Variants in CARMIL2 observed in about 807,000 individuals in gnomAD.
The protein encoded by CARMIL2 is capping protein regulator and myosin 1 linker 2.
Under a neutral mutation model 173.3 loss-of-function variants are expected in CARMIL2, and 96 were observed. The observed-to-expected ratio is 0.55, with a 90% CI of 0.47 to 0.66. The LOEUF is 0.66. CARMIL2 is among the 30% of genes least tolerant of loss of function. CARMIL2 has a pLI of 0.00. For missense variants in CARMIL2, 1,771 were observed against 1,906.7 expected (o/e 0.93, Z 1.33); for synonymous variants, 830 against 817.1 (o/e 1.02, Z -0.27).
In CARMIL2 at chr16:67,646,654, C is replaced by G; in HGVS notation, c.467-60C>G. On this transcript the variant is annotated intron_variant, in intron 6 of 37. Transcript: ENST00000334583. The surrounding 1 kb of genome is among the most constrained non-coding windows in gnomAD (Gnocchi z 4.6). ...CACCTAGTCTGTGGGTCTGGTCTTC[C>G]TCCATCGCTGATGTTTTGTCTCTCT... 1.9e-6 allele frequency: 3 copies of G among 1,592,434 alleles called. No individual in the cohort carries two copies. The highest frequency in any genetic ancestry group is 2.6e-6 in the Non-Finnish European group (3 of 1,160,488).
chr16:67,656,872 G>T lies in CARMIL2; in HGVS notation c.4108G>T (p.Ala1370Ser), dbSNP rs1431886720. 6.5e-7 allele frequency: 1 copy of T among 1,547,312 alleles called. No homozygotes were observed. Among genetic ancestry groups the T allele is most frequent in the Non-Finnish European group, 8.7e-7 (1 of 1,144,532 alleles). Residue 1370 changes from alanine (A) to serine (S), a missense_variant, in exon 36 of 38, where the codon GCC becomes TCC. Coordinates refer to ENST00000334583, the MANE Select transcript of CARMIL2 (RefSeq NM_001013838.3). ...AVSVHEDQLQAPAERPLRLQR... is the reference protein window; with the variant it reads ...AVSVHEDQLQSPAERPLRLQR... Reference sequence around the variant, plus strand: ...GTCTGTGCATGAGGACCAGCTCCAGGCCCCTGCTGGTGAGGGGAGACACCT... The same window carrying T: ...GTCTGTGCATGAGGACCAGCTCCAGTCCCCTGCTGGTGAGGGGAGACACCT...
In CARMIL2 at chr16:67,651,365, G is replaced by A; in HGVS notation, c.2314-36G>A. ...AGGACCCTTCCCCTCTTAGTCAGGT[G>A]TCAGCTCGCAACTGCTTTTCCTCTT... On this transcript the variant is annotated intron_variant, in intron 23 of 37. Coordinates refer to ENST00000334583, the MANE Select transcript of CARMIL2 (RefSeq NM_001013838.3). This position sits in a 1 kb window ranked among gnomAD's most constrained non-coding sequence, Gnocchi z 4.2. The A allele has an allele frequency of 6.2e-7, 1 of 1,603,922 alleles. No individual in the cohort carries two copies. Among genetic ancestry groups the A allele is most frequent in the South Asian group, 1.1e-5 (1 of 90,596 alleles).
At position 67,646,474 on chromosome 16, in the gene CARMIL2, G is replaced by A; in HGVS notation, c.423G>A (p.Glu141=). ...PTPASMLARL[E]RSSPSESTDP... ...CAGCCTCCATGCTGGCTCGGCTGGA[G>A]AGAAGCAGCCCCTCGGAGTCCACTG... Residue 141 remains glutamate (E), a synonymous_variant, in exon 6 of 38, where the codon GAG becomes GAA. Coordinates refer to ENST00000334583, the MANE Select transcript of CARMIL2 (RefSeq NM_001013838.3). This position sits in a 1 kb window ranked among gnomAD's most constrained non-coding sequence, Gnocchi z 4.6. 6.2e-7 allele frequency: 1 copy of A among 1,613,562 alleles called. No individual in the cohort carries two copies. Among genetic ancestry groups the A allele is most frequent in the East Asian group, 2.2e-5 (1 of 44,874 alleles).
rs1177259719 is a variant in CARMIL2, at chr16:67,653,367, A to T, written c.3120+113A>T. ...GAGGGGGTGGTGGGGGCCCAAGGCCACCTGGTCGTGCGGCCGCGGTCACAT... is the reference window on the plus strand; with the variant it reads ...GAGGGGGTGGTGGGGGCCCAAGGCCTCCTGGTCGTGCGGCCGCGGTCACAT... On this transcript the variant is annotated intron_variant, in intron 29 of 37. Transcript: ENST00000334583. The surrounding 1 kb of genome is among the most constrained non-coding windows in gnomAD (Gnocchi z 7.4). 1 of 357,498 alleles carries T rather than the reference A, an allele frequency of 2.8e-6. No individual in the cohort carries two copies. The highest frequency in any genetic ancestry group is 4.1e-6 in the Non-Finnish European group (1 of 243,472). The allele number at this position is 357,498 out of a possible 1,614,324, so 22.1% of individuals were successfully genotyped here.
Position 67,649,587 on chromosome 16 carries a change from G to C in CARMIL2, c.1887G>C (p.Leu629=). 1 of 1,600,526 alleles carries C rather than the reference G, an allele frequency of 6.2e-7. No individual in the cohort carries two copies. The highest frequency in any genetic ancestry group is 2.2e-5 in the East Asian group (1 of 44,850). The stretch of plus-strand genomic sequence containing the variant: ...TGGGGGACGCGGGCGCCAAGTTGCT[G>C]GCCAAGGCGCTGCGGGTCAACTCGA... ...NAMGDAGAKL[L]AKALRVNSRL... Residue 629 remains leucine (L), a synonymous_variant, in exon 20 of 38, where the codon CTG becomes CTC. Transcript: ENST00000334583. The surrounding 1 kb of genome is among the most constrained non-coding windows in gnomAD (Gnocchi z 6.7).
At chr16:67,650,429 C>T in intron 22 of CARMIL2, 1 of 524,168 alleles carries the variant, frequency 1.9e-6, no homozygotes, top group Non-Finnish European at 3.4e-6. Context: ...ATTGTAGCCC[C>T]ATCTCTGTCC....
In CARMIL2 at chr16:67,647,761, C is replaced by T. The variant is rs547647271; in HGVS notation, c.953C>T (p.Pro318Leu). 21 of 1,542,728 alleles carry T rather than the reference C, an allele frequency of 1.4e-5. No homozygotes were observed. Among genetic ancestry groups the T allele is most frequent in the Admixed American group, 9.9e-5 (5 of 50,468 alleles). ...AGCCTGGCCCAGACAGGGTTGACAC[C>T]GCGAGGTAGGCTGGATGAGGGAGGG... ...RLSLAQTGLT[P>L]RGMRALGRAL... Residue 318 changes from proline (P) to leucine (L), a missense_variant, in exon 12 of 38, where the codon CCG becomes CTG. Pro to Leu is a moderately conservative substitution (Grantham distance 98). Transcript: ENST00000334583.
chr16:67,653,317 C>A lies in CARMIL2; in HGVS notation c.3120+63C>A. 1.2e-6 allele frequency: 1 copy of A among 848,390 alleles called. No individual in the cohort carries two copies. Among genetic ancestry groups the A allele is most frequent in the Non-Finnish European group, 1.5e-6 (1 of 670,740 alleles). 52.6% of individuals were successfully genotyped at this position (848,390 alleles called of 1,614,324 possible). A position where few individuals can be genotyped will look rare whatever the true frequency, so the allele number is the denominator to read the frequency against. On this transcript the variant is annotated intron_variant, in intron 29 of 37. Coordinates refer to ENST00000334583, the MANE Select transcript of CARMIL2 (RefSeq NM_001013838.3). The surrounding 1 kb of genome is among the most constrained non-coding windows in gnomAD (Gnocchi z 7.4). ...GGGGATCACGGGTGGCCCGGCCGCT[C>A]CTCATGGGTGGTAGCGGTCAAGGAG...
At chr16:67,656,700 C>G (rs2052865045) in intron 35 of CARMIL2, 55 bp downstream of exon 35, 2 of 1,568,688 alleles carry the variant, frequency 1.3e-6, no homozygotes, top group Non-Finnish European at 1.7e-6. Flanking sequence ...TGGAGGAGTT[C>G]CTGCTGGGAA....
chr16:67,647,416 G>C (rs1310574083), intron 10 of CARMIL2, 29 bp downstream of exon 10: 2 of 1,561,998 alleles, frequency 1.3e-6, no homozygotes, highest in Non-Finnish European at 1.7e-6. Flanking sequence ...GGCTTGGAGA[G>C]GAGAGTCTGG....
Position 67,646,760 on chromosome 16 carries a change from C to T in CARMIL2, c.513C>T (p.Phe171=). The T allele has an allele frequency of 6.2e-7, 1 of 1,613,980 alleles. No homozygotes were observed. Among genetic ancestry groups the T allele is most frequent in the Non-Finnish European group, 8.5e-7 (1 of 1,179,888 alleles). The change falls in exon 7 of 38, where the codon TTC becomes TTT. Residue 171 remains phenylalanine, a synonymous_variant. Coordinates refer to ENST00000334583, the MANE Select transcript of CARMIL2 (RefSeq NM_001013838.3). The surrounding 1 kb of genome is among the most constrained non-coding windows in gnomAD (Gnocchi z 4.6). ...TYEALCDYNG[F]PFREEIQWDV... ...AGGCTCTGTGTGACTACAATGGCTT[C>T]CCTTTCCGAGAGGAGATTCAGTGGG...
Position 67,648,145 on chromosome 16 carries a change from G to A in CARMIL2, c.1165G>A (p.Val389Met), listed in dbSNP as rs1008885718. 3 of 1,612,492 alleles carry A rather than the reference G, an allele frequency of 1.9e-6. No homozygotes were observed. Among genetic ancestry groups the A allele is most frequent in the Non-Finnish European group, 2.5e-6 (3 of 1,179,446 alleles). ...TALDTVRGCS[V>M]GGWMTGRADW... Reference sequence around the variant, plus strand: ...CCTGGACACTGTGAGGGGGTGCTCCGTGGGGGGATGGATGACCGGCAGGGC... The same window carrying A: ...CCTGGACACTGTGAGGGGGTGCTCCATGGGGGGATGGATGACCGGCAGGGC... Residue 389 changes from valine to methionine, a missense_variant, in exon 14 of 38, where the codon GTG becomes ATG. Around this residue, in one of 3 missense-constraint regions of CARMIL2, gnomAD observed 944 missense variants for 975.6 expected, o/e 0.97. Transcript: ENST00000334583. This position sits in a 1 kb window ranked among gnomAD's most constrained non-coding sequence, Gnocchi z 6.1.
At position 67,654,509 on chromosome 16, in the gene CARMIL2, C is replaced by A. The variant is rs375307002; in HGVS notation, c.3399C>A (p.Gly1133=). ...AAPRTRKTTF[G]DLLRPPTRPS... ...CCCGAACCCGAAAAACTACATTTGG[C>A]GACCTACTGCGGCCGCCAACCCGTC... Residue 1133 remains glycine (G), a synonymous_variant, in exon 31 of 38, where the codon GGC becomes GGA. Coordinates refer to ENST00000334583, the MANE Select transcript of CARMIL2 (RefSeq NM_001013838.3). The A allele has an allele frequency of 2.5e-5, 40 of 1,611,678 alleles. No individual in the cohort carries two copies. In the African/African-American group the frequency reaches 3.3e-4, roughly 13 times the overall value.
rs770419787 is a variant in CARMIL2 at position 67,654,214 on chromosome 16, A to C, written c.3186A>C (p.Glu1062Asp). The C allele has an allele frequency of 9.8e-5, 153 of 1,567,370 alleles. No homozygotes were observed. The highest frequency in any genetic ancestry group is 5.6e-5 in the Non-Finnish European group (65 of 1,156,792). ...CCCGCGTGGACGAGGGCGTGGAGGA[A>C]TTCTTCTCCAAAAGGCTGATCCAGC... The part of the protein sequence containing the change: ...LSARVDEGVE[E>D]FFSKRLIQQD... The change falls in exon 30 of 38, where the codon GAA (glutamate) becomes GAC (aspartate). Residue 1062 changes from glutamate (E) to aspartate (D), a missense_variant. By Grantham distance (45) the Glu-to-Asp change is conservative (BLOSUM62 2). Transcript: ENST00000334583.
In CARMIL2 at chr16:67,654,543, G is replaced by T; in HGVS notation, c.3433G>T (p.Gly1145Cys). ...LLRPPTRPSR[G>C]EELGGAEGDT... ...GCGGCCGCCAACCCGTCCCAGCCGT[G>T]GTGAGGAGCTTGGTGGGGCTGAGGG... The change falls in exon 31 of 38, where the codon GGT (glycine) becomes TGT (cysteine). Residue 1145 changes from glycine (G) to cysteine (C), a missense_variant. Gly to Cys is a radical substitution (Grantham distance 159, BLOSUM62 -3). Coordinates refer to ENST00000334583, the MANE Select transcript of CARMIL2 (RefSeq NM_001013838.3). 1 of 1,612,052 alleles carries T rather than the reference G, an allele frequency of 6.2e-7. No homozygotes were observed. The highest frequency in any genetic ancestry group is 8.5e-7 in the Non-Finnish European group (1 of 1,179,462).
Position 67,648,884 on chromosome 16 carries a change from C to T in CARMIL2, c.1510-9C>T, listed in dbSNP as rs1597748516. On this transcript the variant is annotated splice_polypyrimidine_tract_variant and intron_variant, in intron 16 of 37. Coordinates refer to ENST00000334583, the MANE Select transcript of CARMIL2 (RefSeq NM_001013838.3). This position sits in a 1 kb window ranked among gnomAD's most constrained non-coding sequence, Gnocchi z 6.1. ...GTCCCACTTCCCACCTCCCACCTCC[C>T]ACATACAGCTGCGCTCGGCCGGCGC... 1.9e-6 allele frequency: 3 copies of T among 1,601,152 alleles called. No individual in the cohort carries two copies. The highest frequency in any genetic ancestry group is 2.6e-6 in the Non-Finnish European group (3 of 1,174,566).
At chr16:67,645,387 C>A in intron 1 of CARMIL2, 101 bp downstream of exon 1, 2 of 1,422,768 alleles carry the variant, frequency 1.4e-6, no homozygotes, top group Non-Finnish European at 1.9e-6. Context: ...CAGAGGTCCT[C>A]CCTGCTCCCC....
chr16:67,648,252 A>C lies in CARMIL2; in HGVS notation c.1272A>C (p.Val424=), dbSNP rs779082869. 1.2e-6 allele frequency: 2 copies of C among 1,600,548 alleles called. No individual in the cohort carries two copies. Among genetic ancestry groups the C allele is most frequent in the Non-Finnish European group, 1.7e-6 (2 of 1,176,630 alleles). ...NSLPPQLFAA[V]SRGCCTSLTH... ...TCCCCCCGCAGCTCTTCGCAGCGGT[A>C]TCCCGAGGCTGCTGCACCAGCCTTA... The change falls in exon 14 of 38, where the codon GTA becomes GTC. Residue 424 remains valine, a synonymous_variant. Coordinates refer to ENST00000334583, the MANE Select transcript of CARMIL2 (RefSeq NM_001013838.3). The surrounding 1 kb of genome is among the most constrained non-coding windows in gnomAD (Gnocchi z 6.1).
In CARMIL2 at chr16:67,653,895, G is replaced by A. The variant is rs937665596; in HGVS notation, c.3121-254G>A. Among the ~76,000 whole-genome samples, 3 of 152,118 alleles carry A rather than the reference G, an allele frequency of 2.0e-5. No individual in the cohort carries two copies. The highest frequency in any genetic ancestry group is 2.9e-5 in the Non-Finnish European group (2 of 68,000). On this transcript the variant is annotated intron_variant, in intron 29 of 37. Coordinates refer to ENST00000334583, the MANE Select transcript of CARMIL2 (RefSeq NM_001013838.3). The surrounding 1 kb of genome is among the most constrained non-coding windows in gnomAD (Gnocchi z 7.4). ...GGTTTGCTGGTGACCGGGTGGCTCGGGCGTGTAGGATACTCTGTGGGACAA... is the reference window on the plus strand; with the variant it reads ...GGTTTGCTGGTGACCGGGTGGCTCGAGCGTGTAGGATACTCTGTGGGACAA...
Sources: gnomAD v4.1 joint callset for allele counts (sites outside exome capture counted in the v4.1 genomes callset) on GRCh38, gnomAD v4.1.1 for gene constraint, gnomAD v4.1.1 regional missense constraint, Gnocchi (gnomAD v3.1) non-coding constraint, MANE v1.5 for transcripts, NCBI Gene and HGNC (gene_info 2026-07-23, HGNC 2026-07-21) for gene names.